PPP1R1C: variants seen among roughly 807,000 people sequenced by gnomAD.
The protein encoded by PPP1R1C is protein phosphatase 1 regulatory inhibitor subunit 1C, also known as protein phosphatase 1 regulatory subunit 1C.
A neutral mutation model predicts 17.4 loss-of-function variants in PPP1R1C; 15 were observed. The ratio of observed to expected loss-of-function variants is 0.86; its 90% confidence interval spans 0.58 to 1.33. The LOEUF (loss-of-function observed/expected upper bound fraction) is 1.33, where lower values mean the gene tolerates loss of function less well. Ranked by LOEUF, PPP1R1C falls within the 40% of genes most tolerant of loss-of-function variation. The pLI, the probability that PPP1R1C is intolerant of heterozygous loss-of-function variation, is 0.00. For missense variants in PPP1R1C, 143 were observed against 130.0 expected (o/e 1.10, Z -0.48); for synonymous variants, 35 against 43.1 (o/e 0.81, Z 0.73).
chr2:182,022,825 C>A (rs545698634), intron 2 of PPP1R1C, among the ~76,000 whole-genome samples: 1 of 152,154 alleles, frequency 6.6e-6, no homozygotes, highest in African/African-American at 2.4e-5. Context: ...GTGGAGTGAA[C>A]CCTAATGCAA....
intron 4 of PPP1R1C, among the ~76,000 whole-genome samples, chr2:182,113,980 G>A: frequency 6.6e-6 from 1 of 152,254 alleles, no homozygotes; most frequent in Non-Finnish European, 1.5e-5. Flanking sequence ...TTGATCTACA[G>A]AATAGAGAAG....
intron 4 of PPP1R1C, among the ~76,000 whole-genome samples, chr2:182,072,260 T>A (rs76853814): frequency 0.056 from 8,571 of 152,210 alleles, 836 homozygotes; most frequent in African/African-American, 0.2. Context: ...CCTAATGGAG[T>A]GTTCCCTGAT....
At chr2:182,126,558 AGTAAACATCTCACGTAATATGTGAGAT>A (rs1689879328) in intron 5 of PPP1R1C, among the ~76,000 whole-genome samples, 1 of 152,062 alleles carries the variant, frequency 6.6e-6, no homozygotes, top group Non-Finnish European at 1.5e-5. Context: ...ATTTTAAGTG[AGTAAACATCTCACGTAATATGTGAGAT>A]GCAAACATCT....
At chr2:182,069,081 A>G (rs1688069319) in intron 4 of PPP1R1C, among the ~76,000 whole-genome samples, 1 of 152,294 alleles carries the variant, frequency 6.6e-6, no homozygotes, top group African/African-American at 2.4e-5. Flanking sequence ...CATTCCTTTT[A>G]TAAACACTCC....
chr2:182,044,058 C>G (rs1160650646), intron 2 of PPP1R1C, among the ~76,000 whole-genome samples: 1 of 152,194 alleles, frequency 6.6e-6, no homozygotes, highest in African/African-American at 2.4e-5. Context: ...AGTCATTGTG[C>G]AAGTCGAGTC....
chr2:182,121,971 C>G (rs916995947), downstream of PPP1R1C, among the ~76,000 whole-genome samples: 1 of 152,180 alleles, frequency 6.6e-6, no homozygotes, highest in Non-Finnish European at 1.5e-5. Context: ...AAAATGTCAT[C>G]AGTTCCTCCC....
At chr2:182,035,990 T>TACACAC (rs35108850) in intron 2 of PPP1R1C, among the ~76,000 whole-genome samples, 1 of 150,360 alleles carries the variant, frequency 6.7e-6, no homozygotes, top group African/African-American at 2.4e-5. Context: ...TGTGTGTTTA[T>TACACAC]ACACACACAC....
Position 181,961,635 on chromosome 2 carries a change from G to T in PPP1R1C, n.111+7001G>T. The stretch of plus-strand genomic sequence containing the variant: ...CTCCAACCTTGGTGGACTGCGTAGT[G>T]ACCACTGTGGTGCTCTTCTCAATCT... On this transcript the variant is annotated intron_variant and non_coding_transcript_variant, in intron 1 of 5. Transcript: ENST00000464264. The surrounding 1 kb of genome is among the most constrained non-coding windows in gnomAD (Gnocchi z 5.8). 1.3e-6 allele frequency: 1 copy of T among 745,782 alleles called. No homozygotes were observed. Among genetic ancestry groups the T allele is most frequent in the South Asian group, 1.4e-5 (1 of 70,790 alleles). The allele number at this position is 745,782 out of a possible 1,614,324, so 46.2% of individuals were successfully genotyped here.
Position 182,071,994 on chromosome 2 carries a change from A to G in PPP1R1C, c.241+8203A>G, listed in dbSNP as rs1240188501. 2.0e-5 allele frequency among the ~76,000 whole-genome samples: 3 copies of G among 152,202 alleles called. No individual in the cohort carries two copies. The South Asian group carries it at 6.2e-4, about 31-fold the overall frequency. On this transcript the variant is annotated intron_variant, in intron 4 of 4. Coordinates refer to ENST00000682840, the MANE Select transcript of PPP1R1C (RefSeq NM_001080545.3). ...TTTCTCCAAGGAGCTCTCAAATATA[A>G]TTTGAATTCCTATTTGAGTCAGTAT... is the stretch of plus-strand genomic sequence containing the variant.
intron 4 of PPP1R1C, among the ~76,000 whole-genome samples, chr2:182,109,334 T>C (rs1361313232): frequency 6.6e-6 from 1 of 152,182 alleles, no homozygotes; most frequent in Non-Finnish European, 1.5e-5. Flanking sequence ...AGAGCAGATG[T>C]TTTAATTTTA....
chr2:182,096,256 C>T (rs1688933231), intron 4 of PPP1R1C, among the ~76,000 whole-genome samples: 1 of 152,160 alleles, frequency 6.6e-6, no homozygotes, highest in South Asian at 2.1e-4. Flanking sequence ...TCCTTTTTGG[C>T]TTCTGGGTAC....
chr2:182,062,162 C>T (rs183253237), intron 3 of PPP1R1C, among the ~76,000 whole-genome samples: 14 of 152,034 alleles, frequency 9.2e-5, no homozygotes, highest in African/African-American at 1.4e-4. Flanking sequence ...TTCCCTTGAT[C>T]GTAGGTGTAG....
chr2:182,091,883 C>T (rs908667489), intron 4 of PPP1R1C, among the ~76,000 whole-genome samples: 2 of 152,164 alleles, frequency 1.3e-5, no homozygotes, highest in Non-Finnish European at 2.9e-5. Flanking sequence ...ATGCACCTGA[C>T]TTCCCAGGGC....
At chr2:182,092,467 C>T (rs1396637420) in intron 4 of PPP1R1C, among the ~76,000 whole-genome samples, 1 of 152,184 alleles carries the variant, frequency 6.6e-6, no homozygotes, top group Non-Finnish European at 1.5e-5. Flanking sequence ...CTTCACATTT[C>T]AAAGCCCATC....
chr2:182,009,837 A>G (rs1351146426), intron 2 of PPP1R1C, among the ~76,000 whole-genome samples: 5 of 152,110 alleles, frequency 3.3e-5, no homozygotes, highest in Admixed American at 6.6e-5. Context: ...ATTCTTCTGC[A>G]TATGGATATC....
intron 4 of PPP1R1C, among the ~76,000 whole-genome samples, chr2:182,092,289 C>G (rs1688804529): frequency 6.6e-6 from 1 of 152,178 alleles, no homozygotes; most frequent in African/African-American, 2.4e-5. Context: ...GAGACCCATT[C>G]ATAATCATGA....
chr2:182,030,969 C>G (rs545248350), intron 2 of PPP1R1C: 2 of 154,050 alleles, frequency 1.3e-5, no homozygotes, highest in Non-Finnish European at 2.9e-5. Flanking sequence ...GGGAGTGACC[C>G]GATTTCCCAG....
At chr2:181,981,765 G>T (rs1449388203), upstream of PPP1R1C, among the ~76,000 whole-genome samples, 5 of 152,206 alleles carry the variant, frequency 3.3e-5, no homozygotes, top group African/African-American at 1.2e-4. Context: ...GTTACAACTA[G>T]AATTGAAGGA....
In PPP1R1C at chr2:182,127,890, A is replaced by G. The variant is rs1460373419; in HGVS notation, c.*7-1084A>G. 2.6e-5 allele frequency among the ~76,000 whole-genome samples: 4 copies of G among 152,142 alleles called. No homozygotes were observed. In the East Asian group the frequency reaches 5.8e-4, roughly 22 times the overall value. On this transcript the variant is annotated intron_variant, in intron 5 of 5. Transcript: ENST00000280295. ...CATTTAAATGAACCACAGACTATTC[A>G]TATTTGTCAAGGAGTTAAAAATATT...
Sources: gnomAD v4.1 joint callset for allele counts (sites outside exome capture counted in the v4.1 genomes callset) on GRCh38, gnomAD v4.1.1 for gene constraint, Gnocchi (gnomAD v3.1) non-coding constraint, MANE v1.5 for transcripts, NCBI Gene and HGNC (gene_info 2026-07-23, HGNC 2026-07-21) for gene names.